DLG2: variants seen among roughly 807,000 people sequenced by gnomAD.
DLG2 encodes the protein disks large homolog 2.
In DLG2, 45 loss-of-function variants were observed where a neutral mutation model predicts 132.5. The observed-to-expected ratio is 0.34, with a 90% CI of 0.27 to 0.44. DLG2 has a LOEUF of 0.44. DLG2 is among the 20% of genes least tolerant of loss of function. The probability of loss-of-function intolerance (pLI) is 1.00; values close to 1 mark genes in which losing one functional copy is unlikely to be tolerated. For synonymous variants in DLG2, 424 were observed against 419.6 expected (o/e 1.01, Z -0.13); for missense variants, 1,045 against 1,196.9 (o/e 0.87, Z 1.87).
chr11:83,636,002 G>A (rs551171367), intron 18 of DLG2, among the ~76,000 whole-genome samples: 6 of 152,114 alleles, frequency 3.9e-5, no homozygotes, highest in African/African-American at 1.4e-4. Context: ...TCTGATCCAT[G>A]CTTTACATTG....
chr11:83,505,452 C>T (rs1038175180), intron 21 of DLG2, among the ~76,000 whole-genome samples: 1 of 152,190 alleles, frequency 6.6e-6, no homozygotes, highest in African/African-American at 2.4e-5. Context: ...GAGTGGCGTC[C>T]ACAGAACAGG....
At chr11:84,732,541 GT>G (rs984078676) in intron 6 of DLG2, among the ~76,000 whole-genome samples, 1 of 151,460 alleles carries the variant, frequency 6.6e-6, no homozygotes, top group African/African-American at 2.4e-5. Context: ...TTTTCATGTG[GT>G]TTTTTTCCCT....
chr11:83,669,745 GACAA>G (rs1397477106), intron 18 of DLG2, among the ~76,000 whole-genome samples: 2 of 152,132 alleles, frequency 1.3e-5, no homozygotes, highest in African/African-American at 4.8e-5. Flanking sequence ...AAAAATTTAA[GACAA>G]ACAAACATGA....
intron 6 of DLG2, among the ~76,000 whole-genome samples, chr11:84,965,475 G>A (rs923741174): frequency 4.3e-4 from 66 of 152,146 alleles, no homozygotes; most frequent in African/African-American, 1.3e-3. Flanking sequence ...GAAACTGTGC[G>A]GGACTTAAAT....
rs181367564 is a variant in DLG2 at position 84,477,168 on chromosome 11, C to T, written c.519+57402G>A. On this transcript the variant is annotated intron_variant, in intron 7 of 27. Coordinates refer to ENST00000376104, the MANE Select transcript of DLG2 (RefSeq NM_001142699.3). ...TGAGTAGAACCACAACTTTTACTGA[C>T]CAATATCTCTTTTTGTCTTTTCCTT... 1.1e-4 allele frequency among the ~76,000 whole-genome samples: 16 copies of T among 152,144 alleles called. 1 individual carries two copies. The East Asian group carries it at 3.1e-3, about 29-fold the overall frequency.
At chr11:84,883,146 C>A (rs529300387) in intron 6 of DLG2, among the ~76,000 whole-genome samples, 2 of 152,210 alleles carry the variant, frequency 1.3e-5, no homozygotes, top group African/African-American at 2.4e-5. Context: ...AGGATGAGTT[C>A]ATGTCCTTTG....
chr11:84,641,524 C>G lies in DLG2; in HGVS notation c.358-106793G>C, dbSNP rs148459088. On this transcript the variant is annotated intron_variant, in intron 6 of 27. Coordinates refer to ENST00000376104, the MANE Select transcript of DLG2 (RefSeq NM_001142699.3). Reference sequence around the variant, plus strand: ...TAATGATGAGAAAAACTGCATGTTTCCGGGAGAGTCAGCAACTCTGGGGTG... The same window carrying G: ...TAATGATGAGAAAAACTGCATGTTTGCGGGAGAGTCAGCAACTCTGGGGTG... 5.5e-4 allele frequency among the ~76,000 whole-genome samples: 84 copies of G among 152,242 alleles called. 1 individual carries two copies. Among genetic ancestry groups the G allele is most frequent in the African/African-American group, 1.5e-3 (63 of 41,550 alleles).
chr11:83,939,522 C>T (rs2082198767), intron 14 of DLG2, among the ~76,000 whole-genome samples: 2 of 152,272 alleles, frequency 1.3e-5, no homozygotes, highest in South Asian at 4.1e-4. Flanking sequence ...AAGAGAAGGT[C>T]TGAAGCTTAA....
At chr11:83,890,684 A>C (rs1173641807) in intron 15 of DLG2, among the ~76,000 whole-genome samples, 1 of 152,236 alleles carries the variant, frequency 6.6e-6, no homozygotes, top group Non-Finnish European at 1.5e-5. Flanking sequence ...GGGGAAAATA[A>C]AGCAGTGTAT....
chr11:84,369,783 G>T (rs751117016), intron 7 of DLG2, among the ~76,000 whole-genome samples: 10 of 152,114 alleles, frequency 6.6e-5, no homozygotes, highest in Non-Finnish European at 1.3e-4. Flanking sequence ...CGCTAACAGG[G>T]AACACAGTTT....
At chr11:83,961,355 A>G (rs2088711638) in intron 14 of DLG2, among the ~76,000 whole-genome samples, 1 of 152,060 alleles carries the variant, frequency 6.6e-6, no homozygotes, top group African/African-American at 2.4e-5. Flanking sequence ...ACATATTTCT[A>G]TGATGAACAT....
intron 14 of DLG2, among the ~76,000 whole-genome samples, chr11:83,952,650 A>G (rs949149037): frequency 1.3e-5 from 2 of 151,950 alleles, no homozygotes; most frequent in South Asian, 2.1e-4. Context: ...AAGACTAAGA[A>G]CATTAGAAAA....
intron 6 of DLG2, among the ~76,000 whole-genome samples, chr11:84,862,875 C>T (rs1275084543): frequency 6.7e-6 from 1 of 148,342 alleles, no homozygotes; most frequent in African/African-American, 2.5e-5. Flanking sequence ...ACCTAATGTA[C>T]GTGACGGGTT....
At chr11:84,139,322 T>C (rs2094738608) in intron 9 of DLG2, among the ~76,000 whole-genome samples, 2 of 152,076 alleles carry the variant, frequency 1.3e-5, no homozygotes, top group Admixed American at 6.6e-5. Context: ...TTATAAAATA[T>C]GATAACATTT....
intron 6 of DLG2, among the ~76,000 whole-genome samples, chr11:84,856,839 G>C (rs1197983954): frequency 6.6e-6 from 1 of 151,900 alleles, no homozygotes; most frequent in Non-Finnish European, 1.5e-5. Flanking sequence ...CCTTGCTGCG[G>C]TTCTTGTTAA....
chr11:83,680,424 T>A (rs901671876), intron 18 of DLG2, among the ~76,000 whole-genome samples: 5 of 152,190 alleles, frequency 3.3e-5, no homozygotes, highest in Admixed American at 6.5e-5. Flanking sequence ...CTTTAAAAAA[T>A]GTCATAGGCT....
intron 7 of DLG2, among the ~76,000 whole-genome samples, chr11:84,387,622 A>AGT (rs1227483503): frequency 6.6e-6 from 1 of 152,164 alleles, no homozygotes; most frequent in African/African-American, 2.4e-5. Context: ...TCCTGTTCCA[A>AGT]GAAGTGTACA....
At chr11:84,919,178 T>C (rs1305808818) in intron 6 of DLG2, among the ~76,000 whole-genome samples, 3 of 152,172 alleles carry the variant, frequency 2.0e-5, no homozygotes, top group Non-Finnish European at 4.4e-5. Flanking sequence ...ATTTTCTCAA[T>C]GATGAGTTAA....
chr11:83,915,727 T>C (rs1301981060), intron 15 of DLG2, among the ~76,000 whole-genome samples: 1 of 152,218 alleles, frequency 6.6e-6, no homozygotes, highest in Non-Finnish European at 1.5e-5. Context: ...GTAAGCTTTA[T>C]TGAGATATAA....
Sources: gnomAD v4.1 joint callset for allele counts (sites outside exome capture counted in the v4.1 genomes callset) on GRCh38, gnomAD v4.1.1 for gene constraint, MANE v1.5 for transcripts, NCBI Gene and HGNC (gene_info 2026-07-23, HGNC 2026-07-21) for gene names.